The following STYX variants were observed in gnomAD, a reference collection of about 807,000 sequenced individuals.
STYX encodes serine/threonine/tyrosine interacting protein, also known as serine/threonine/tyrosine-interacting protein.
In STYX, 20 loss-of-function variants were observed where a neutral mutation model predicts 42.7. The ratio of observed to expected loss-of-function variants is 0.47; its 90% CI spans 0.33 to 0.68. The LOEUF (loss-of-function observed/expected upper bound fraction) is 0.68, where lower values mean the gene tolerates loss of function less well. STYX is among the 30% of genes least tolerant of loss of function. STYX has a pLI of 0.02. For missense variants in STYX, 226 were observed against 268.5 expected, an observed-to-expected ratio of 0.84 and a Z score of 1.11; for synonymous variants, 78 against 81.9, an observed-to-expected ratio of 0.95 and a Z score of 0.26.
At chr14:52,740,228 A>G (rs1361079933) in intron 1 of STYX, among the ~76,000 whole-genome samples, 1 of 152,176 alleles carries the variant, frequency 6.6e-6, no homozygotes, top group East Asian at 1.9e-4. Context: ...GTGAGCTGAG[A>G]TCGTGCCACT....
chr14:52,763,839 A>G (rs978256344), intron 9 of STYX, among the ~76,000 whole-genome samples: 8 of 152,200 alleles, frequency 5.3e-5, no homozygotes, highest in African/African-American at 1.7e-4. Flanking sequence ...CTTGGGCTGA[A>G]ATCAGTGAAT....
At chr14:52,761,328 C>CAAA (rs55985975) in intron 9 of STYX, among the ~76,000 whole-genome samples, 2 of 106,658 alleles carry the variant, frequency 1.9e-5, no homozygotes, top group Non-Finnish European at 1.9e-5. Flanking sequence ...AACTCCGTGT[C>CAAA]AAAAAAAAAA....
At chr14:52,744,645 C>T (rs374222506) in intron 1 of STYX, among the ~76,000 whole-genome samples, 23 of 152,092 alleles carry the variant, frequency 1.5e-4, no homozygotes, top group East Asian at 1.2e-3. Context: ...TTCTGGAAGC[C>T]TAGTTATTTA....
At chr14:52,750,229 C>T (rs1220555928) in intron 3 of STYX, among the ~76,000 whole-genome samples, 1 of 152,040 alleles carries the variant, frequency 6.6e-6, no homozygotes, top group Non-Finnish European at 1.5e-5. Context: ...CTGGGAGAGG[C>T]AAGGAGTTGT....
At chr14:52,746,524 A>G (rs1881403844) in intron 3 of STYX, 45 bp downstream of exon 3, 4 of 1,505,860 alleles carry the variant, frequency 2.7e-6, no homozygotes, top group Admixed American at 2.5e-5. Context: ...TTATTAACCA[A>G]CTTTTCTTGG....
At chr14:52,762,474 A>T (rs1447360666) in intron 9 of STYX, among the ~76,000 whole-genome samples, 1 of 152,166 alleles carries the variant, frequency 6.6e-6, no homozygotes, top group African/African-American at 2.4e-5. Flanking sequence ...AATGGATCCC[A>T]CTTGGTTATG....
intron 1 of STYX, among the ~76,000 whole-genome samples, chr14:52,740,141 G>C (rs989541942): frequency 2.0e-5 from 3 of 152,108 alleles, no homozygotes; most frequent in Non-Finnish European, 4.4e-5. Context: ...GCCAGGTTTG[G>C]TGGTGGGCGC....
intron 4 of STYX, among the ~76,000 whole-genome samples, chr14:52,752,369 G>T (rs1472633267): frequency 1.3e-5 from 2 of 151,904 alleles, no homozygotes; most frequent in Non-Finnish European, 2.9e-5. Context: ...GGAGGCTGAG[G>T]CAGGAGAATC....
At chr14:52,746,147 G>A (rs865926422) in intron 2 of STYX, among the ~76,000 whole-genome samples, 21 of 151,982 alleles carry the variant, frequency 1.4e-4, no homozygotes, top group African/African-American at 4.6e-4. Flanking sequence ...AATAGTTTTA[G>A]GTCAGGCACA....
At chr14:52,754,100 G>C (rs1479104040) in intron 4 of STYX, among the ~76,000 whole-genome samples, 1 of 151,826 alleles carries the variant, frequency 6.6e-6, no homozygotes, top group Non-Finnish European at 1.5e-5. Flanking sequence ...ATGTTGGTCA[G>C]GCTGGTCTCA....
At chr14:52,749,188 C>T (rs889770832) in intron 3 of STYX, among the ~76,000 whole-genome samples, 1 of 152,208 alleles carries the variant, frequency 6.6e-6, no homozygotes, top group Non-Finnish European at 1.5e-5. Flanking sequence ...GCCAAGAGAA[C>T]GAGTTCTTGC....
chr14:52,750,880 G>T (rs769032273), intron 4 of STYX, 100 bp downstream of exon 4: 1 of 684,678 alleles, frequency 1.5e-6, no homozygotes, highest in South Asian at 2.3e-5. Context: ...GTAAAAATGG[G>T]TCATATAGTA....
chr14:52,764,078 T>C (rs895053452), intron 9 of STYX, among the ~76,000 whole-genome samples: 3 of 152,044 alleles, frequency 2.0e-5, no homozygotes, highest in Admixed American at 6.6e-5. Flanking sequence ...CTGCAACCTC[T>C]GCCTCCTGGG....
chr14:52,765,094 A>G (rs1316138009), intron 9 of STYX, among the ~76,000 whole-genome samples: 1 of 152,228 alleles, frequency 6.6e-6, no homozygotes, highest in Non-Finnish European at 1.5e-5. Flanking sequence ...ATCCCTTTGC[A>G]TATTGGAAAA....
At chr14:52,733,777 G>A (rs1392241383) in intron 1 of STYX, among the ~76,000 whole-genome samples, 2 of 152,174 alleles carry the variant, frequency 1.3e-5, no homozygotes, top group Non-Finnish European at 2.9e-5. Flanking sequence ...GGTTCTTGGC[G>A]TTTTGAACAA....
At chr14:52,730,670 G>A in intron 1 of STYX, 139 bp downstream of exon 1, 1 of 913,298 alleles carries the variant, frequency 1.1e-6, no homozygotes, top group Non-Finnish European at 1.6e-6. Flanking sequence ...CTCTGAAGCC[G>A]AGCGGTCGGC....
chr14:52,758,943 T>A (rs1357096627), intron 8 of STYX, among the ~76,000 whole-genome samples: 1 of 152,194 alleles, frequency 6.6e-6, no homozygotes, highest in Non-Finnish European at 1.5e-5. Flanking sequence ...TATATTGTTT[T>A]TATTATTTCG....
chr14:52,771,088 G>T lies in STYX; in HGVS notation c.654G>T (p.Ala218=). ...EEDDFGTMQV[A]TAQNG The stretch of plus-strand genomic sequence containing the variant: ...ATGATTTTGGAACCATGCAAGTGGC[G>T]ACTGCACAGAATGGCTGACTTGAAG... The change falls in exon 11 of 11, where the codon GCG becomes GCT. Residue 218 remains alanine (A), a synonymous_variant. Transcript: ENST00000354586. The T allele has an allele frequency of 1.2e-6, 2 of 1,610,908 alleles. No homozygotes were observed. The highest frequency in any genetic ancestry group is 1.7e-6 in the Non-Finnish European group (2 of 1,177,876).
At chr14:52,735,257 G>T (rs1485250953) in intron 1 of STYX, among the ~76,000 whole-genome samples, 1 of 152,114 alleles carries the variant, frequency 6.6e-6, no homozygotes, top group African/African-American at 2.4e-5. Context: ...ACCTTTATGA[G>T]CTTGGTTATT....
Sources: allele counts gnomAD v4.1 joint callset (sites outside exome capture counted in the v4.1 genomes callset), GRCh38; gene constraint gnomAD v4.1.1; transcripts MANE v1.5; gene names NCBI Gene and HGNC (gene_info 2026-07-23, HGNC 2026-07-21).